OPHN1: variants seen among roughly 807,000 people sequenced by gnomAD.
The protein encoded by OPHN1 is oligophrenin-1.
A neutral mutation model predicts 60.7 loss-of-function variants in OPHN1; 11 were observed. That is an observed-to-expected ratio of 0.18 (90% confidence interval 0.11 to 0.30). OPHN1 has a LOEUF of 0.30. Ranked by LOEUF, OPHN1 falls within the 10% of genes least tolerant of loss-of-function variation. The pLI, the probability that OPHN1 is intolerant of heterozygous loss-of-function variation, is 1.00. For missense variants in OPHN1, 449 were observed against 611.0 expected, an observed-to-expected ratio of 0.73 and a Z score of 2.80; for synonymous variants, 226 against 222.6, an observed-to-expected ratio of 1.02 and a Z score of -0.14.
intron 3 of OPHN1, among the ~76,000 whole-genome samples, chrX:68,292,194 A>G (rs929041188): frequency 1.8e-5 from 2 of 111,383 alleles, no homozygotes; most frequent in Non-Finnish European, 3.8e-5. Flanking sequence ...TGCATCGCTG[A>G]GCCCAGCTTT....
intron 6 of OPHN1, among the ~76,000 whole-genome samples, chrX:68,215,981 A>C (rs1235697817): frequency 8.9e-6 from 1 of 112,029 alleles, no homozygotes; most frequent in African/African-American, 3.2e-5. Context: ...TTTATTTTTC[A>C]AATTCTTAAT....
At chrX:68,202,241 G>A (rs949479232) in intron 10 of OPHN1, among the ~76,000 whole-genome samples, 5 of 111,724 alleles carry the variant, frequency 4.5e-5, no homozygotes, top group East Asian at 5.7e-4. Context: ...AAATGTAATC[G>A]CTCCAAAGGT....
At chrX:68,120,371 T>A (rs1242101799) in intron 15 of OPHN1, among the ~76,000 whole-genome samples, 4 of 111,367 alleles carry the variant, frequency 3.6e-5, no homozygotes, top group African/African-American at 1.3e-4. Flanking sequence ...TTGAAAAAAA[T>A]TTCAAAAACA....
chrX:68,313,076 G>T (rs1052814921), intron 2 of OPHN1, among the ~76,000 whole-genome samples: 1 of 110,931 alleles, frequency 9.0e-6, no homozygotes, highest in African/African-American at 3.3e-5. Context: ...TGCATTGTGG[G>T]CTGGATGACA....
intron 24 of OPHN1, 135 bp downstream of exon 24, chrX:68,048,281 G>T: frequency 1.9e-6 from 1 of 524,750 alleles, no homozygotes; most frequent in Non-Finnish European, 3.3e-6. Flanking sequence ...GGCAGTGATA[G>T]AGTAATGAAC....
intron 2 of OPHN1, among the ~76,000 whole-genome samples, chrX:68,413,154 A>G (rs917617717): frequency 1.1e-4 from 12 of 111,472 alleles, no homozygotes; most frequent in African/African-American, 3.9e-4. Flanking sequence ...TATGCAATAG[A>G]CCCTATTTAT....
intron 18 of OPHN1, among the ~76,000 whole-genome samples, chrX:68,100,728 T>A (rs2077054942): frequency 9.0e-6 from 1 of 110,697 alleles, no homozygotes; most frequent in Admixed American, 9.6e-5. Context: ...TGCCTTTTTT[T>A]TATTTTTTAT....
At chrX:68,092,548 T>C (rs899138388) in intron 19 of OPHN1, among the ~76,000 whole-genome samples, 9 of 112,057 alleles carry the variant, frequency 8.0e-5, no homozygotes, top group Non-Finnish European at 1.7e-4. Context: ...ATCTCTGGTA[T>C]CACACAAAGG....
chrX:68,287,337 T>C (rs1264951941), intron 3 of OPHN1, among the ~76,000 whole-genome samples: 3 of 70,344 alleles, frequency 4.3e-5, no homozygotes, highest in Non-Finnish European at 8.7e-5. Context: ...GAAAAGAAAT[T>C]AAAAAAAAAA....
intron 15 of OPHN1, among the ~76,000 whole-genome samples, chrX:68,130,393 C>A (rs1157454311): frequency 9.0e-6 from 1 of 111,408 alleles, no homozygotes; most frequent in African/African-American, 3.3e-5. Flanking sequence ...ATATTTATAA[C>A]CTTGAGGCAA....
chrX:68,169,399 A>G (rs899675872), intron 15 of OPHN1, among the ~76,000 whole-genome samples: 1 of 110,943 alleles, frequency 9.0e-6, no homozygotes, highest in Non-Finnish European at 1.9e-5. Flanking sequence ...CAAGCTACCA[A>G]TGACTTTCTT....
chrX:68,362,820 G>T (rs971179922), intron 2 of OPHN1, among the ~76,000 whole-genome samples: 1 of 111,445 alleles, frequency 9.0e-6, no homozygotes, highest in African/African-American at 3.3e-5. Context: ...ATCAATATTG[G>T]TTCATCAATT....
chrX:68,353,101 A>C (rs2078421172), intron 2 of OPHN1, among the ~76,000 whole-genome samples: 1 of 109,786 alleles, frequency 9.1e-6, no homozygotes, highest in Non-Finnish European at 1.9e-5. Context: ...GCAGTGAGCC[A>C]TGAACGCACG....
chrX:68,109,849 T>C (rs1162188378), intron 18 of OPHN1, among the ~76,000 whole-genome samples: 5 of 111,309 alleles, frequency 4.5e-5, no homozygotes, highest in Non-Finnish European at 7.5e-5. Context: ...TGCATAATAC[T>C]ACACTGTTGA....
At chrX:68,074,511 G>A (rs192612561) in intron 19 of OPHN1, among the ~76,000 whole-genome samples, 58 of 110,710 alleles carry the variant, frequency 5.2e-4, no homozygotes, top group African/African-American at 1.8e-3. Flanking sequence ...GCTATTTTTC[G>A]AATACATGAG....
At chrX:68,298,553 T>C (rs1230166140) in intron 3 of OPHN1, among the ~76,000 whole-genome samples, 2 of 111,180 alleles carry the variant, frequency 1.8e-5, no homozygotes, top group African/African-American at 6.5e-5. Context: ...ATAGAGTGAG[T>C]TGTTAAATCC....
At chrX:68,385,585 G>GA (rs991975396) in intron 2 of OPHN1, among the ~76,000 whole-genome samples, 1 of 112,062 alleles carries the variant, frequency 8.9e-6, no homozygotes, top group Non-Finnish European at 1.9e-5. Flanking sequence ...AAAAGGAAAA[G>GA]AAAAAATTCC....
At chrX:68,085,288 T>C (rs1334970756) in intron 19 of OPHN1, among the ~76,000 whole-genome samples, 4 of 112,174 alleles carry the variant, frequency 3.6e-5, no homozygotes, top group Non-Finnish European at 7.5e-5. Flanking sequence ...GAATTGCTCT[T>C]CCCAAAGATA....
At chrX:68,052,167 G>T (rs958865895) in intron 23 of OPHN1, among the ~76,000 whole-genome samples, 9 of 111,112 alleles carry the variant, frequency 8.1e-5, no homozygotes, top group Non-Finnish European at 1.7e-4. Flanking sequence ...GCGTGCACCT[G>T]TAGTCCCAGC....
Sources: allele counts gnomAD v4.1 joint callset (sites outside exome capture counted in the v4.1 genomes callset), GRCh38; gene constraint gnomAD v4.1.1; transcripts MANE v1.5; gene names NCBI Gene and HGNC (gene_info 2026-07-23, HGNC 2026-07-21).